FANCI: variants seen among roughly 807,000 people sequenced by gnomAD.
FANCI encodes Fanconi anemia group I protein.
In FANCI, 156 loss-of-function variants were observed where a neutral mutation model predicts 176.1. The ratio of observed to expected loss-of-function variants is 0.89; its 90% CI spans 0.78 to 1.01. The LOEUF is 1.01. Ranked by LOEUF, FANCI falls within the 50% of genes least tolerant of loss-of-function variation. The pLI, the probability that FANCI is intolerant of heterozygous loss-of-function variation, is 0.00. For missense variants in FANCI, 1,678 were observed against 1,534.1 expected (o/e 1.09, Z -1.57); for synonymous variants, 613 against 541.7 (o/e 1.13, Z -1.83).
chr15:89,293,153 C>T (rs1360850633), intron 22 of FANCI, 90 bp downstream of exon 22: 2 of 1,367,956 alleles, frequency 1.5e-6, no homozygotes, highest in African/African-American at 1.4e-5. Context: ...AGGCAGTAAA[C>T]AGACCACAGA....
intron 24 of FANCI, 128 bp downstream of exon 24, chr15:89,295,222 A>G (rs2054207608): frequency 2.7e-6 from 3 of 1,102,272 alleles, no homozygotes; most frequent in Non-Finnish European, 3.8e-6. Flanking sequence ...AATATAAAAC[A>G]TTAGCCAGGT....
At chr15:89,257,669 C>G (rs1056473645) in intron 2 of FANCI, among the ~76,000 whole-genome samples, 27 of 152,144 alleles carry the variant, frequency 1.8e-4, no homozygotes, top group African/African-American at 6.5e-4. Flanking sequence ...AAGAAGAGCC[C>G]AATTTCCAAA....
intron 28 of FANCI, 79 bp from the exon 29 acceptor site, chr15:89,305,036 A>AT: frequency 6.3e-7 from 1 of 1,576,136 alleles, no homozygotes; most frequent in Non-Finnish European, 8.6e-7. Flanking sequence ...TTGGCCTCCC[A>AT]AAGTGCTGGG....
rs1157910630 is a variant in FANCI, at chr15:89,274,599, C to CTTTTTTTTTTTTTT, written c.1112+305_1112+318dup. ...TCTCTATTTTCCTTTTCTTTCTTTC[C>CTTTTTTTTTTTTTT]TTTTTTTTTTTTTTTTTTTTTTTGA... On this transcript the variant is annotated intron_variant, in intron 12 of 37. Transcript: ENST00000310775. Among the ~76,000 whole-genome samples, 60 of 82,836 alleles carry CTTTTTTTTTTTTTT rather than the reference C, an allele frequency of 7.2e-4. 1 individual carries two copies. The highest frequency in any genetic ancestry group is 9.2e-4 in the South Asian group (2 of 2,172). The allele number at this position is 82,836 out of a possible 152,430, so 54.3% of individuals were successfully genotyped here.
In FANCI at chr15:89,316,605, G is replaced by C; in HGVS notation, c.*146G>C. 7 of 1,101,358 alleles carry C rather than the reference G, an allele frequency of 6.4e-6. No individual in the cohort carries two copies. In the South Asian group the frequency reaches 9.1e-5, roughly 14 times the overall value. 68.2% of individuals were successfully genotyped at this position (1,101,358 alleles called of 1,614,324 possible). On this transcript the variant is annotated 3_prime_UTR_variant, in exon 38 of 38. Transcript: ENST00000310775. ...ATTCAACTGCACCTTCAGTTAGAAG[G>C]AATCTTCTTGGCAGGTCCTGCTACT...
At chr15:89,261,129 G>A (rs998601564) in intron 4 of FANCI, among the ~76,000 whole-genome samples, 2 of 152,002 alleles carry the variant, frequency 1.3e-5, no homozygotes, top group Non-Finnish European at 1.5e-5. Flanking sequence ...AAAATTAGCC[G>A]GGCTCGTGGC....
chr15:89,304,222 C>T (rs2054628624), intron 28 of FANCI, among the ~76,000 whole-genome samples: 1 of 152,202 alleles, frequency 6.6e-6, no homozygotes, highest in African/African-American at 2.4e-5. Context: ...GAAGAATTCT[C>T]TTAGCAGCAC....
chr15:89,308,015 G>A lies in FANCI; in HGVS notation c.3651+343G>A, dbSNP rs1455940906. ...CTCTGGGAATGTGAGCAGAGTAGCAGCAAGCACATGAAGAAGGGTTGTGAT... is the reference window on the plus strand; with the variant it reads ...CTCTGGGAATGTGAGCAGAGTAGCAACAAGCACATGAAGAAGGGTTGTGAT... On this transcript the variant is annotated intron_variant, in intron 34 of 37. Transcript: ENST00000310775. The A allele has an allele frequency of 3.3e-6, 4 of 1,214,568 alleles. No individual in the cohort carries two copies. In the African/African-American group the frequency reaches 4.7e-5, roughly 14 times the overall value. The allele number at this position is 1,214,568 out of a possible 1,614,324, so 75.2% of individuals were successfully genotyped here.
chr15:89,307,533 A>T lies in FANCI; in HGVS notation c.3591+4A>T, dbSNP rs774180579. On this transcript the variant is annotated splice_donor_region_variant and intron_variant, in intron 33 of 37. Coordinates refer to ENST00000310775, the MANE Select transcript of FANCI (RefSeq NM_001113378.2). ...TCCAAAAAATATGGAAAAGCTGGTGAGTTGAGAATGCCTTTCCTAGGAATG... is the reference window on the plus strand; with the variant it reads ...TCCAAAAAATATGGAAAAGCTGGTGTGTTGAGAATGCCTTTCCTAGGAATG... 38 of 1,614,076 alleles carry T rather than the reference A, an allele frequency of 2.4e-5. No homozygotes were observed. The highest frequency in any genetic ancestry group is 2.8e-5 in the Non-Finnish European group (33 of 1,180,024).
intron 35 of FANCI, among the ~76,000 whole-genome samples, chr15:89,313,712 C>A (rs1397267531): frequency 1.3e-5 from 2 of 151,948 alleles, no homozygotes; most frequent in Non-Finnish European, 2.9e-5. Context: ...ATGGTCCTCA[C>A]AACATTATTT....
intron 10 of FANCI, 50 bp downstream of exon 10, chr15:89,268,575 T>C (rs1362315346): frequency 6.2e-7 from 1 of 1,612,304 alleles, no homozygotes; most frequent in Non-Finnish European, 8.5e-7. Context: ...ATGAAAGTGT[T>C]TGAACTTAAG....
At chr15:89,271,952 T>C (rs1052928260) in intron 10 of FANCI, among the ~76,000 whole-genome samples, 1 of 152,234 alleles carries the variant, frequency 6.6e-6, no homozygotes, top group African/African-American at 2.4e-5. Context: ...ACATTTTATT[T>C]CTTTTGTGCA....
At chr15:89,314,835 C>CG (rs2055147716) in intron 36 of FANCI, 128 bp downstream of exon 36, 4 of 154,242 alleles carry the variant, frequency 2.6e-5, no homozygotes. Context: ...CATCCCCCCT[C>CG]TCCCCCCCCC....
intron 18 of FANCI, among the ~76,000 whole-genome samples, chr15:89,285,716 G>T (rs1235923234): frequency 2.1e-5 from 3 of 145,522 alleles, no homozygotes; most frequent in African/African-American, 4.9e-5. Context: ...AAATTTGCCA[G>T]TCTTAAGACT....
rs1314884176 is a variant in FANCI, at chr15:89,260,792, G to A, written c.237G>A (p.Gly79=). ...YTCCIQLVES[G]DLQKEIASEI... ...GTTGTATCCAGTTGGTGGAATCGGG[G>A]GATTTGCAGAAAGAAATAGCGTCTG... is the stretch of plus-strand genomic sequence containing the variant. The change falls in exon 4 of 38, where the codon GGG becomes GGA. Residue 79 remains glycine (G), a synonymous_variant. Transcript: ENST00000310775. 2 of 1,613,874 alleles carry A rather than the reference G, an allele frequency of 1.2e-6. No homozygotes were observed. Among genetic ancestry groups the A allele is most frequent in the African/African-American group, 2.7e-5 (2 of 74,884 alleles).
At chr15:89,275,083 C>CTTTTTT (rs530017776) in intron 12 of FANCI, among the ~76,000 whole-genome samples, 31 of 114,976 alleles carry the variant, frequency 2.7e-4, no homozygotes, top group Non-Finnish European at 4.2e-4. Context: ...GGCCTTTCTT[C>CTTTTTT]TTTTTTTTTT....
intron 2 of FANCI, among the ~76,000 whole-genome samples, chr15:89,249,886 A>G (rs1051249936): frequency 1.3e-5 from 2 of 152,256 alleles, no homozygotes; most frequent in African/African-American, 4.8e-5. Flanking sequence ...ATATATGCAG[A>G]GAACTTTGAT....
intron 2 of FANCI, among the ~76,000 whole-genome samples, chr15:89,252,184 C>G (rs900909387): frequency 1.3e-5 from 2 of 151,344 alleles, no homozygotes; most frequent in African/African-American, 4.9e-5. Context: ...CCTGTAATCC[C>G]AGCTACTCGG....
intron 17 of FANCI, 90 bp downstream of exon 17, chr15:89,283,340 G>A (rs2053689021): frequency 6.3e-7 from 1 of 1,585,186 alleles, no homozygotes; most frequent in South Asian, 1.1e-5. Flanking sequence ...TCCTGTTATG[G>A]TTGTAAGAAT....
Sources: gnomAD v4.1 joint callset for allele counts (sites outside exome capture counted in the v4.1 genomes callset) on GRCh38, gnomAD v4.1.1 for gene constraint, MANE v1.5 for transcripts, NCBI Gene and HGNC (gene_info 2026-07-23, HGNC 2026-07-21) for gene names.